Variants in CTNND2 observed in about 807,000 individuals in gnomAD.
CTNND2 encodes the protein catenin delta-2.
CTNND2 carries 22 observed loss-of-function variants against 144.4 expected under a neutral mutation model. That is an observed-to-expected ratio of 0.15 (90% CI 0.11 to 0.22). The LOEUF (loss-of-function observed/expected upper bound fraction) is 0.22. Among genes scored for constraint, CTNND2 ranks in the 10% least tolerant of loss-of-function variants. The probability of loss-of-function intolerance (pLI) is 1.00; values close to 1 mark genes in which losing one functional copy is unlikely to be tolerated. For missense variants in CTNND2, 1,353 were observed against 1,618.8 expected (o/e 0.84, Z 2.82); for synonymous variants, 751 against 695.6 (o/e 1.08, Z -1.25).
chr5:11,363,861 G>A (rs1756697584), intron 8 of CTNND2, among the ~76,000 whole-genome samples: 1 of 152,212 alleles, frequency 6.6e-6, no homozygotes, highest in Admixed American at 6.5e-5. Flanking sequence ...GTCCCTGCCG[G>A]AGCTCATATA....
At chr5:11,850,967 A>C (rs778195220) in intron 1 of CTNND2, among the ~76,000 whole-genome samples, 2 of 152,246 alleles carry the variant, frequency 1.3e-5, no homozygotes, top group Non-Finnish European at 2.9e-5. Flanking sequence ...GCTAACTTTA[A>C]GTAAAGCAGA....
chr5:11,231,303 C>T (rs1396867037), intron 10 of CTNND2, among the ~76,000 whole-genome samples: 3 of 151,962 alleles, frequency 2.0e-5, no homozygotes, highest in Non-Finnish European at 4.4e-5. Context: ...AACATGGAAG[C>T]GTCTTTGAAA....
At chr5:11,824,891 G>T (rs1793518455) in intron 1 of CTNND2, among the ~76,000 whole-genome samples, 1 of 152,108 alleles carries the variant, frequency 6.6e-6, no homozygotes, top group South Asian at 2.1e-4. Flanking sequence ...CAGAGTAGGG[G>T]AACAATAATA....
chr5:11,607,709 T>C (rs1561614877), intron 2 of CTNND2, among the ~76,000 whole-genome samples: 1 of 152,216 alleles, frequency 6.6e-6, no homozygotes, highest in African/African-American at 2.4e-5. Context: ...AAATATTATA[T>C]TACTTAACTT....
At chr5:11,455,885 C>A (rs1036362379) in intron 3 of CTNND2, among the ~76,000 whole-genome samples, 1 of 152,142 alleles carries the variant, frequency 6.6e-6, no homozygotes, top group African/African-American at 2.4e-5. Context: ...TGAGAAATAA[C>A]ACAAGATTAC....
intron 2 of CTNND2, among the ~76,000 whole-genome samples, chr5:11,671,037 CTT>C (rs754691695): frequency 3.9e-5 from 6 of 152,250 alleles, no homozygotes; most frequent in South Asian, 2.1e-4. Context: ...GTTTATGAAA[CTT>C]AGTTTGGCTG....
At chr5:11,394,569 C>T (rs1234425397) in intron 6 of CTNND2, among the ~76,000 whole-genome samples, 1 of 152,176 alleles carries the variant, frequency 6.6e-6, no homozygotes, top group African/African-American at 2.4e-5. Context: ...AGTCTACTCT[C>T]TCTCCTCTGG....
At chr5:11,260,787 GA>G in intron 9 of CTNND2, among the ~76,000 whole-genome samples, 1 of 152,066 alleles carries the variant, frequency 6.6e-6, no homozygotes, top group South Asian at 2.1e-4. Context: ...TCAACAATTT[GA>G]AAAAAATTCA....
At chr5:11,544,061 T>C (rs553308308) in intron 3 of CTNND2, among the ~76,000 whole-genome samples, 1 of 152,308 alleles carries the variant, frequency 6.6e-6, no homozygotes, top group South Asian at 2.1e-4. Context: ...CTGAAGATTG[T>C]TGAATTATCA....
At chr5:11,292,957 C>A (rs1484021145) in intron 9 of CTNND2, among the ~76,000 whole-genome samples, 1 of 152,132 alleles carries the variant, frequency 6.6e-6, no homozygotes, top group Non-Finnish European at 1.5e-5. Flanking sequence ...TGTTTAAATC[C>A]TTTGGAAGCC....
In CTNND2 at chr5:11,082,847, C is replaced by T; in HGVS notation, c.2638-1G>A. The T allele has an allele frequency of 6.2e-7, 1 of 1,613,196 alleles. No homozygotes were observed. ...CAGCGGCTCGGATATATACTGACCACTGCAAAAACAGGGAAGGCGAAGGGC... is the reference window on the plus strand; with the variant it reads ...CAGCGGCTCGGATATATACTGACCATTGCAAAAACAGGGAAGGCGAAGGGC... On this transcript the variant is annotated splice_acceptor_variant, in intron 15 of 21. Transcript: ENST00000304623. LOFTEE classifies it high-confidence loss of function.
At chr5:11,363,627 C>A (rs1293932215) in intron 8 of CTNND2, among the ~76,000 whole-genome samples, 2 of 152,124 alleles carry the variant, frequency 1.3e-5, no homozygotes, top group African/African-American at 4.8e-5. Context: ...GTATTTTGTG[C>A]CTTTCTCCCT....
chr5:11,867,076 C>A (rs61404305), intron 1 of CTNND2, among the ~76,000 whole-genome samples: 34,717 of 151,984 alleles, frequency 0.23, 4,211 homozygotes, highest in Non-Finnish European at 0.28. Flanking sequence ...TCCAAGCTCA[C>A]ATTTTAACGC....
At chr5:11,902,268 A>G (rs1039537408) in intron 1 of CTNND2, among the ~76,000 whole-genome samples, 1 of 152,216 alleles carries the variant, frequency 6.6e-6, no homozygotes, top group Non-Finnish European at 1.5e-5. Flanking sequence ...TATGCTAATA[A>G]AAGACATTTG....
chr5:11,157,087 G>A (rs191926167), intron 12 of CTNND2, among the ~76,000 whole-genome samples: 24 of 152,264 alleles, frequency 1.6e-4, no homozygotes, highest in African/African-American at 5.1e-4. Context: ...CTGGCTTCAC[G>A]ACTTAACTAC....
intron 1 of CTNND2, among the ~76,000 whole-genome samples, chr5:11,901,048 T>G (rs1737840201): frequency 6.6e-6 from 1 of 152,214 alleles, no homozygotes; most frequent in African/African-American, 2.4e-5. Flanking sequence ...AAGTTCAAAA[T>G]GTAACAGTTT....
At chr5:11,289,967 C>A (rs373436153) in intron 9 of CTNND2, among the ~76,000 whole-genome samples, 69 of 152,242 alleles carry the variant, frequency 4.5e-4, no homozygotes, top group Admixed American at 1.0e-3. Flanking sequence ...TGGTTGGTGA[C>A]CTCTGGAAAA....
chr5:11,081,076 A>T (rs1268155934), intron 16 of CTNND2, among the ~76,000 whole-genome samples: 9 of 42,172 alleles, frequency 2.1e-4, no homozygotes, highest in African/African-American at 1.8e-3. Context: ...ACCCTGTCAC[A>T]CACACACACA....
chr5:11,309,500 C>G (rs1750583593), intron 9 of CTNND2, among the ~76,000 whole-genome samples: 1 of 152,150 alleles, frequency 6.6e-6, no homozygotes, highest in Non-Finnish European at 1.5e-5. Context: ...CCTTTTGAAA[C>G]AGGTGTATTT....
Sources: gnomAD v4.1 joint callset for allele counts (sites outside exome capture counted in the v4.1 genomes callset) on GRCh38, gnomAD v4.1.1 for gene constraint, MANE v1.5 for transcripts, NCBI Gene and HGNC (gene_info 2026-07-23, HGNC 2026-07-21) for gene names.